SLIT3: variants seen among roughly 807,000 people sequenced by gnomAD.
The protein encoded by SLIT3 is slit homolog 3 protein.
A neutral mutation model predicts 184.0 loss-of-function variants in SLIT3; 68 were observed. The observed-to-expected ratio is 0.37, with a 90% CI of 0.30 to 0.45. The LOEUF is 0.45. Ranked by LOEUF, SLIT3 falls within the 20% of genes least tolerant of loss-of-function variation. The pLI, the probability that SLIT3 is intolerant of heterozygous loss-of-function variation, is 1.00. For missense variants in SLIT3, 1,707 were observed against 2,026.0 expected, an observed-to-expected ratio of 0.84 and a Z score of 3.02; for synonymous variants, 831 against 828.6, an observed-to-expected ratio of 1.00 and a Z score of -0.05.
intron 4 of SLIT3, among the ~76,000 whole-genome samples, chr5:168,928,015 C>T (rs76291975): frequency 0.014 from 2,102 of 152,310 alleles, 61 homozygotes; most frequent in East Asian, 0.13. Flanking sequence ...ACTGCATTCC[C>T]GTTAGCGTGG....
At chr5:169,037,317 G>A (rs1210052938) in intron 4 of SLIT3, among the ~76,000 whole-genome samples, 4 of 152,222 alleles carry the variant, frequency 2.6e-5, no homozygotes, top group African/African-American at 9.6e-5. Context: ...GCTCCTGGTA[G>A]ACTAGGTTTA....
chr5:169,283,626 T>A lies in SLIT3; in HGVS notation c.197+16887A>T, dbSNP rs551168355. Among the ~76,000 whole-genome samples the A allele has an allele frequency of 3.3e-5, 5 of 152,320 alleles. No individual in the cohort carries two copies. The South Asian group carries it at 1.0e-3, about 32-fold the overall frequency. ...TCTTAGGCAGCCAGAAAACAATGCA[T>A]GTCTACTACAATGGAGGGGACTGAG... On this transcript the variant is annotated intron_variant, in intron 1 of 35. Transcript: ENST00000519560.
intron 4 of SLIT3, among the ~76,000 whole-genome samples, 184 bp from the exon 5 acceptor site, chr5:168,883,520 T>G (rs1213537266): frequency 6.6e-6 from 1 of 152,216 alleles, no homozygotes; most frequent in Non-Finnish European, 1.5e-5. Flanking sequence ...GTGATGGCCG[T>G]TGCTGAAATG....
intron 4 of SLIT3, among the ~76,000 whole-genome samples, chr5:169,138,470 TC>T (rs1325441885): frequency 6.6e-6 from 1 of 151,588 alleles, no homozygotes; most frequent in Non-Finnish European, 1.5e-5. Flanking sequence ...TTTAACCCCT[TC>T]CCCCCTAGAG....
intron 4 of SLIT3, among the ~76,000 whole-genome samples, chr5:169,056,088 G>A (rs919880342): frequency 1.3e-5 from 2 of 152,182 alleles, no homozygotes; most frequent in Non-Finnish European, 2.9e-5. Context: ...GGCAGGTTTT[G>A]TAGAAGTCCA....
At chr5:168,854,780 G>C (rs779454166) in intron 5 of SLIT3, among the ~76,000 whole-genome samples, 1 of 152,196 alleles carries the variant, frequency 6.6e-6, no homozygotes, top group Non-Finnish European at 1.5e-5. Context: ...AGATTGTGTC[G>C]TAGGGTGTTC....
At chr5:169,092,308 G>C (rs191560008) in intron 4 of SLIT3, among the ~76,000 whole-genome samples, 7 of 152,334 alleles carry the variant, frequency 4.6e-5, no homozygotes, top group African/African-American at 1.7e-4. Flanking sequence ...TGTGGCCATT[G>C]CTAGGGACCA....
chr5:169,006,042 T>C (rs1755913167), intron 4 of SLIT3, among the ~76,000 whole-genome samples: 1 of 152,190 alleles, frequency 6.6e-6, no homozygotes, highest in African/African-American at 2.4e-5. Flanking sequence ...GTCCTTGTGG[T>C]GGACAAGGCA....
chr5:168,993,131 G>A (rs1252172798), intron 4 of SLIT3: 1 of 152,182 alleles, frequency 6.6e-6, no homozygotes, highest in Non-Finnish European at 1.5e-5. Flanking sequence ...GAAGCCTCAG[G>A]TCTGACATTT....
rs1460241783 is a variant in SLIT3 at position 168,842,948 on chromosome 5, C to T, written c.557+1636G>A. On this transcript the variant is annotated intron_variant, in intron 6 of 35. Transcript: ENST00000519560. ...ATGCTATTTTGCAGGCAGGGAAAAT[C>T]CTGCCTACCCTTCTCAGCCCCAGCC... is the stretch of plus-strand genomic sequence containing the variant. 2.0e-5 allele frequency among the ~76,000 whole-genome samples: 3 copies of T among 152,168 alleles called. No individual in the cohort carries two copies. The East Asian group carries it at 5.8e-4, about 29-fold the overall frequency.
intron 4 of SLIT3, among the ~76,000 whole-genome samples, chr5:169,050,453 CCT>C (rs1396969272): frequency 1.3e-5 from 2 of 152,184 alleles, no homozygotes; most frequent in East Asian, 3.8e-4. Context: ...ACAAAGTTGG[CCT>C]CTGTTTCTTT....
At chr5:168,980,262 G>A (rs547884890) in intron 4 of SLIT3, among the ~76,000 whole-genome samples, 2 of 152,194 alleles carry the variant, frequency 1.3e-5, no homozygotes, top group East Asian at 3.9e-4. Flanking sequence ...AGTGGTGCCC[G>A]GGTTCTGAGA....
chr5:168,872,320 G>A (rs967022403), intron 5 of SLIT3, among the ~76,000 whole-genome samples: 3 of 152,150 alleles, frequency 2.0e-5, no homozygotes, highest in African/African-American at 7.2e-5. Flanking sequence ...CTGTAATAGT[G>A]GATACATGTC....
At chr5:169,127,739 C>T (rs77044663) in intron 4 of SLIT3, among the ~76,000 whole-genome samples, 6,564 of 152,202 alleles carry the variant, frequency 0.043, 209 homozygotes, top group Non-Finnish European at 0.064. Flanking sequence ...TAAATCAGAA[C>T]TGTAGTTTTG....
chr5:168,703,984 G>GCTGCC (rs1762301606), intron 26 of SLIT3, among the ~76,000 whole-genome samples: 1 of 143,202 alleles, frequency 7.0e-6, no homozygotes, highest in Non-Finnish European at 1.5e-5. Flanking sequence ...ACTGGGAACA[G>GCTGCC]CTGCCCTCAT....
chr5:168,968,297 C>T (rs1389736156), intron 4 of SLIT3, among the ~76,000 whole-genome samples: 1 of 152,136 alleles, frequency 6.6e-6, no homozygotes, highest in African/African-American at 2.4e-5. Context: ...TAAATCTTCT[C>T]ATTGCCTCTC....
chr5:169,149,047 C>T (rs1762028484), intron 4 of SLIT3, among the ~76,000 whole-genome samples: 1 of 152,186 alleles, frequency 6.6e-6, no homozygotes, highest in Admixed American at 6.5e-5. Context: ...CCGCCAAAAG[C>T]TACAGAGCTA....
intron 14 of SLIT3, among the ~76,000 whole-genome samples, chr5:168,765,670 T>A (rs1755316407): frequency 6.6e-6 from 1 of 152,242 alleles, no homozygotes; most frequent in South Asian, 2.1e-4. Context: ...TATTTGTCAC[T>A]GCCAGAAATA....
At chr5:168,865,173 CAAAA>C (rs70979103) in intron 5 of SLIT3, among the ~76,000 whole-genome samples, 1 of 56,296 alleles carries the variant, frequency 1.8e-5, no homozygotes. Flanking sequence ...AACTCCGTCT[CAAAA>C]AAAAAAAAAA....
Sources: gnomAD v4.1 joint callset for allele counts (sites outside exome capture counted in the v4.1 genomes callset) on GRCh38, gnomAD v4.1.1 for gene constraint, MANE v1.5 for transcripts, NCBI Gene and HGNC (gene_info 2026-07-23, HGNC 2026-07-21) for gene names.